The following CCNJL variants were observed in gnomAD, a reference collection of about 807,000 sequenced individuals.
The protein encoded by CCNJL is cyclin J like.
Under a neutral mutation model 33.4 loss-of-function variants are expected in CCNJL, and 33 were observed. The observed-to-expected ratio is 0.99, with a 90% CI of 0.75 to 1.32. The LOEUF (loss-of-function observed/expected upper bound fraction) is 1.32. CCNJL is among the 40% of genes most tolerant of loss of function. The pLI, the probability that CCNJL is intolerant of heterozygous loss-of-function variation, is 0.00. For missense variants in CCNJL, 512 were observed against 499.7 expected, an observed-to-expected ratio of 1.02 and a Z score of -0.23; for synonymous variants, 227 against 220.9, an observed-to-expected ratio of 1.03 and a Z score of -0.24.
chr5:160,320,788 C>CCTTTCTTTCTTT (rs70990723), intron 1 of CCNJL, among the ~76,000 whole-genome samples: 43 of 116,318 alleles, frequency 3.7e-4, no homozygotes, highest in East Asian at 7.3e-4. Context: ...TTCTTTCTTT[C>CCTTTCTTTCTTT]CTTTCTTTCT....
rs1375525316 is a variant in CCNJL at position 160,308,816 on chromosome 5, C to A, written c.66+3042G>T. 2.6e-5 allele frequency among the ~76,000 whole-genome samples: 4 copies of A among 152,124 alleles called. No individual in the cohort carries two copies. The South Asian group carries it at 8.3e-4, about 32-fold the overall frequency. ...AAAACACTTCAGATCCTGGTAAATG[C>A]TACAAAGAAAAAGCAAGGTGATTTA... On this transcript the variant is annotated intron_variant, in intron 2 of 5. Transcript: ENST00000257536.
At chr5:160,279,573 C>T (rs1762136967) in intron 3 of CCNJL, among the ~76,000 whole-genome samples, 1 of 152,200 alleles carries the variant, frequency 6.6e-6, no homozygotes, top group Non-Finnish European at 1.5e-5. Context: ...GGTCTGCATA[C>T]TTGGGAGACC....
At chr5:160,323,925 T>A (rs1763503098) in intron 1 of CCNJL, among the ~76,000 whole-genome samples, 1 of 152,160 alleles carries the variant, frequency 6.6e-6, no homozygotes, top group Non-Finnish European at 1.5e-5. Context: ...TCTTTCTGGG[T>A]TTCAAGCTCA....
At chr5:160,277,087 C>A (rs758319881) in intron 3 of CCNJL, among the ~76,000 whole-genome samples, 1 of 152,132 alleles carries the variant, frequency 6.6e-6, no homozygotes, top group Non-Finnish European at 1.5e-5. Flanking sequence ...GCCACCGTGC[C>A]TGGTTGTATT....
intron 1 of CCNJL, chr5:160,327,027 G>T: frequency 7.1e-6 from 3 of 421,544 alleles, no homozygotes; most frequent in Non-Finnish European, 1.4e-5. Flanking sequence ...GTTTTTAGAT[G>T]TTTTTTGTCC....
At chr5:160,307,019 C>G (rs1338574478) in intron 2 of CCNJL, among the ~76,000 whole-genome samples, 1 of 152,266 alleles carries the variant, frequency 6.6e-6, no homozygotes, top group Non-Finnish European at 1.5e-5. Context: ...CTGGGCACCA[C>G]AGTCAATGCT....
intron 1 of CCNJL, among the ~76,000 whole-genome samples, chr5:160,321,087 T>TTTCC (rs1561812951): frequency 4.2e-5 from 5 of 120,006 alleles, no homozygotes; most frequent in African/African-American, 1.7e-4. Flanking sequence ...TCTTTCTTTC[T>TTTCC]TTCCTTCTCT....
chr5:160,311,756 C>A, intron 2 of CCNJL, 102 bp downstream of exon 2: 2 of 1,100,686 alleles, frequency 1.8e-6, no homozygotes, highest in East Asian at 2.4e-5. Flanking sequence ...AAAAGGCACC[C>A]GGGAGTTCTG....
chr5:160,305,912 T>TG (rs1193097182), intron 2 of CCNJL, among the ~76,000 whole-genome samples: 1 of 152,238 alleles, frequency 6.6e-6, no homozygotes, highest in African/African-American at 2.4e-5. Flanking sequence ...AAATGTTTGC[T>TG]GTTCATGTTT....
chr5:160,304,423 G>A (rs1364919440), intron 2 of CCNJL, among the ~76,000 whole-genome samples: 1 of 152,100 alleles, frequency 6.6e-6, no homozygotes. Context: ...ACCTCTGCAG[G>A]TTAGACTGCA....
rs1198760626 is a variant in CCNJL, at chr5:160,249,996, AT to A, written c.*3381del. ...CTTGCTCAGGCTTGAAAACCTCTGAATTTAACCTGATGCCAGCCCTGGGAGG... is the reference window on the plus strand; with the variant it reads ...CTTGCTCAGGCTTGAAAACCTCTGAATTAACCTGATGCCAGCCCTGGGAGG... On this transcript the variant is annotated 3_prime_UTR_variant, in exon 6 of 6. Transcript: ENST00000257536. 1 of 152,070 alleles carries A rather than the reference AT, an allele frequency of 6.6e-6. No individual in the cohort carries two copies. Among genetic ancestry groups the A allele is most frequent in the Admixed American group, 6.5e-5 (1 of 15,270 alleles). 9.4% of individuals were successfully genotyped at this position (152,070 alleles called of 1,614,324 possible).
intron 1 of CCNJL, among the ~76,000 whole-genome samples, chr5:160,333,748 G>A (rs1366230323): frequency 6.6e-6 from 1 of 151,974 alleles, no homozygotes; most frequent in Non-Finnish European, 1.5e-5. Context: ...CCACACCCAA[G>A]CCACTCTCCT....
chr5:160,310,134 A>C (rs1349269824), intron 2 of CCNJL, among the ~76,000 whole-genome samples: 1 of 152,208 alleles, frequency 6.6e-6, no homozygotes, highest in Non-Finnish European at 1.5e-5. Context: ...ATGAGCAGAA[A>C]TGACAACCAC....
rs192325087 is a variant in CCNJL at position 160,327,360 on chromosome 5, A to T, written n.207-11855T>A. Among the ~76,000 whole-genome samples, 4 of 152,324 alleles carry T rather than the reference A, an allele frequency of 2.6e-5. No homozygotes were observed. In the East Asian group the frequency reaches 7.7e-4, roughly 29 times the overall value. On this transcript the variant is annotated intron_variant and non_coding_transcript_variant, in intron 1 of 7. Coordinates refer to the CCNJL transcript ENST00000377503. ...CAGTGAGCAAAACAGCCACATTTCCACTTAGGAAGAGCTTAACTTAGGAAG... is the reference window on the plus strand; with the variant it reads ...CAGTGAGCAAAACAGCCACATTTCCTCTTAGGAAGAGCTTAACTTAGGAAG...
intron 3 of CCNJL, among the ~76,000 whole-genome samples, chr5:160,262,495 G>A (rs1440524358): frequency 1.3e-5 from 2 of 152,154 alleles, no homozygotes; most frequent in Non-Finnish European, 2.9e-5. Context: ...CACTAAACTC[G>A]ACAGGCTGCT....
In CCNJL at chr5:160,251,822, A is replaced by C. The variant is rs74548671; in HGVS notation, c.*1556T>G. ...ACGGAGGTTGGCAAAGGAAAAAAAA[A>C]CAACAACAAATGAACGTGCAGCCTC... On this transcript the variant is annotated 3_prime_UTR_variant, in exon 6 of 6. Transcript: ENST00000257536. 15 of 152,286 alleles carry C rather than the reference A, an allele frequency of 9.8e-5. No homozygotes were observed. Among genetic ancestry groups the C allele is most frequent in the Middle Eastern group, 6.8e-3 (2 of 294 alleles). 9.4% of individuals were successfully genotyped at this position (152,286 alleles called of 1,614,324 possible). A position where few individuals can be genotyped will look rare whatever the true frequency, so the allele number is the denominator to read the frequency against.
At chr5:160,326,723 C>A in intron 1 of CCNJL, 1 of 919,856 alleles carries the variant, frequency 1.1e-6, no homozygotes, top group Non-Finnish European at 1.8e-6. Context: ...CCAGAAAGTG[C>A]AGAAGGTTAT....
At chr5:160,321,018 CTTTCTTTCTTTCTT>C (rs1561812766) in intron 1 of CCNJL, among the ~76,000 whole-genome samples, 312 of 19,730 alleles carry the variant, frequency 0.016, 12 homozygotes, top group Admixed American at 0.036. Context: ...CTCTCTCTTT[CTTTCTTTCTTTCTT>C]TCTTTCTTTC....
intron 3 of CCNJL, among the ~76,000 whole-genome samples, chr5:160,260,758 T>C (rs1251605152): frequency 1.3e-5 from 2 of 152,124 alleles, no homozygotes; most frequent in African/African-American, 4.8e-5. Context: ...CTATAAGCCT[T>C]CATTGACACA....
Sources: allele counts gnomAD v4.1 joint callset (sites outside exome capture counted in the v4.1 genomes callset), GRCh38; gene constraint gnomAD v4.1.1; transcripts MANE v1.5; gene names NCBI Gene and HGNC (gene_info 2026-07-23, HGNC 2026-07-21).